The following KCNMB4 variants were observed in gnomAD, a reference collection of about 807,000 sequenced individuals.
KCNMB4 encodes potassium calcium-activated channel subfamily M regulatory beta subunit 4.
In KCNMB4, 3 loss-of-function variants were observed where a neutral mutation model predicts 20.7. The observed-to-expected ratio is 0.14, with a 90% confidence interval of 0.07 to 0.37. The LOEUF (loss-of-function observed/expected upper bound fraction) is 0.37. Ranked by LOEUF, KCNMB4 falls within the 10% of genes least tolerant of loss-of-function variation. The pLI is 1.00. For missense variants in KCNMB4, 168 were observed against 265.9 expected (o/e 0.63, Z 2.56); for synonymous variants, 110 against 113.4 (o/e 0.97, Z 0.19).
rs1287747691 is a variant in KCNMB4 at position 70,366,691 on chromosome 12, G to A, written c.-44G>A. 1 of 1,397,044 alleles carries A rather than the reference G, an allele frequency of 7.2e-7. No homozygotes were observed. The highest frequency in any genetic ancestry group is 9.4e-7 in the Non-Finnish European group (1 of 1,068,070). The allele number at this position is 1,397,044 out of a possible 1,614,324, so 86.5% of individuals were successfully genotyped here. ...GCAGTCGGGCTCGGCGCCGGGGGCG[G>A]GAGGGGGCGGGGGGAGCACGCCAGC... On this transcript the variant is annotated 5_prime_UTR_variant, in exon 1 of 3. Coordinates refer to ENST00000258111, the MANE Select transcript of KCNMB4 (RefSeq NM_014505.6).
Position 70,430,088 on chromosome 12 carries a change from T to A in KCNMB4, c.465-397T>A, listed in dbSNP as rs1593352091. On this transcript the variant is annotated intron_variant, in intron 2 of 2. Transcript: ENST00000258111. ...GATCATTTGGGCCACACCTATGAGC[T>A]GAGGTCTAGTTCAGATTTGTTGGAG... 2.0e-5 allele frequency among the ~76,000 whole-genome samples: 3 copies of A among 151,906 alleles called. No homozygotes were observed. The South Asian group carries it at 6.2e-4, about 32-fold the overall frequency.
intron 1 of KCNMB4, among the ~76,000 whole-genome samples, chr12:70,389,538 AC>A (rs1868283443): frequency 6.6e-6 from 1 of 152,170 alleles, no homozygotes; most frequent in Non-Finnish European, 1.5e-5. Context: ...TACAAAAAAT[AC>A]AAAAATTAGC....
intron 2 of KCNMB4, among the ~76,000 whole-genome samples, chr12:70,424,751 A>G (rs960690081): frequency 1.1e-4 from 16 of 144,284 alleles, no homozygotes; most frequent in African/African-American, 3.8e-4. Flanking sequence ...ACTCCGTCTC[A>G]AAAAAAAAAA....
At chr12:70,404,044 AG>A (rs372656717) in intron 2 of KCNMB4, among the ~76,000 whole-genome samples, 6 of 152,380 alleles carry the variant, frequency 3.9e-5, no homozygotes, top group African/African-American at 1.4e-4. Context: ...TAGAAATAGA[AG>A]GGGGAAGACT....
chr12:70,418,049 C>T (rs572572785), intron 2 of KCNMB4, among the ~76,000 whole-genome samples: 36 of 152,280 alleles, frequency 2.4e-4, no homozygotes, highest in Admixed American at 9.8e-4. Flanking sequence ...GCCTTGACTT[C>T]CTTTTAAATG....
At chr12:70,426,074 C>T (rs1325830304) in intron 2 of KCNMB4, among the ~76,000 whole-genome samples, 1 of 152,014 alleles carries the variant, frequency 6.6e-6, no homozygotes, top group Non-Finnish European at 1.5e-5. Flanking sequence ...GCGGGTGGAT[C>T]ACAAGGTCAG....
intron 1 of KCNMB4, among the ~76,000 whole-genome samples, chr12:70,380,675 A>G (rs1654957): frequency 0.72 from 109,533 of 151,486 alleles, 40,240 homozygotes; most frequent in East Asian, 0.94. Context: ...CCTATACATC[A>G]TGGACGGTTG....
At chr12:70,382,833 A>C (rs1342394535) in intron 1 of KCNMB4, among the ~76,000 whole-genome samples, 1 of 152,254 alleles carries the variant, frequency 6.6e-6, no homozygotes, top group Non-Finnish European at 1.5e-5. Context: ...GTGGTATCTC[A>C]CTAAAAATCA....
chr12:70,423,088 A>G (rs1869113250), intron 2 of KCNMB4, among the ~76,000 whole-genome samples: 1 of 152,210 alleles, frequency 6.6e-6, no homozygotes, highest in South Asian at 2.1e-4. Context: ...TGTAGTCCTA[A>G]TCATGGGTCT....
Position 70,366,856 on chromosome 12 carries a change from G to A in KCNMB4, c.122G>A (p.Ser41Asn). 1 of 1,612,934 alleles carries A rather than the reference G, an allele frequency of 6.2e-7. No homozygotes were observed. Among genetic ancestry groups the A allele is most frequent in the Non-Finnish European group, 8.5e-7 (1 of 1,179,858 alleles). ...TTCATCTTCGGCTTCTGCTGGCTGA[G>A]TCCCGCGCTGCAGGATCTGCAAGCC... ...SLFIFGFCWL[S>N]PALQDLQATE... Residue 41 changes from serine (S) to asparagine (N), a missense_variant, in exon 1 of 3, where the codon AGT becomes AAT. Transcript: ENST00000258111.
chr12:70,419,788 A>T (rs1378078981), intron 2 of KCNMB4, among the ~76,000 whole-genome samples: 1 of 152,216 alleles, frequency 6.6e-6, no homozygotes, highest in Admixed American at 6.5e-5. Context: ...AGGATATTCT[A>T]TAAAAAGTAA....
At position 70,434,107 on chromosome 12, in the gene KCNMB4, C is replaced by A. The variant is rs1869435896; in HGVS notation, c.*3454C>A. The A allele has an allele frequency of 6.6e-6, 1 of 152,234 alleles. No individual in the cohort carries two copies. The highest frequency in any genetic ancestry group is 1.5e-5 in the Non-Finnish European group (1 of 68,088). 9.4% of individuals were successfully genotyped at this position (152,234 alleles called of 1,614,324 possible). ...GCTGATGGAAGCATGGGTGCCTCCT[C>A]CTTTGGCCCCAGCAGGAAGTTCAAA... On this transcript the variant is annotated 3_prime_UTR_variant, in exon 3 of 3. Coordinates refer to ENST00000258111, the MANE Select transcript of KCNMB4 (RefSeq NM_014505.6).
rs78179251 is a variant in KCNMB4, at chr12:70,425,655, G to T, written c.465-4830G>T. ...GCCTCAAGCAAAGTTATCTGGGAAA[G>T]ATCACATGTCAGGTCTTCTTTGGTT... On this transcript the variant is annotated intron_variant, in intron 2 of 2. Transcript: ENST00000258111. Among the ~76,000 whole-genome samples, 388 of 152,266 alleles carry T rather than the reference G, an allele frequency of 2.5e-3. 3 individuals carry two copies. The highest frequency in any genetic ancestry group is 8.7e-3 in the African/African-American group (362 of 41,542).
At chr12:70,399,979 A>C (rs555170967) in intron 1 of KCNMB4, among the ~76,000 whole-genome samples, 15 of 152,286 alleles carry the variant, frequency 9.8e-5, no homozygotes, top group African/African-American at 3.6e-4. Flanking sequence ...TTACACCATA[A>C]TGACTGAAGT....
In KCNMB4 at chr12:70,366,340, C is replaced by A. The variant is rs1883486927; in HGVS notation, c.-395C>A. 6.6e-6 allele frequency: 1 copy of A among 151,788 alleles called. No individual in the cohort carries two copies. The highest frequency in any genetic ancestry group is 2.4e-5 in the African/African-American group (1 of 41,326). 9.4% of individuals were successfully genotyped at this position (151,788 alleles called of 1,614,324 possible). On this transcript the variant is annotated 5_prime_UTR_variant, in exon 1 of 3. Transcript: ENST00000258111. ...GCCGGGCGAGTCAGCGGAGTAGCGG[C>A]CAGCGGGCGATGGAGACAGAGAGAC...
In KCNMB4 at chr12:70,366,690, G is replaced by A; in HGVS notation, c.-45G>A. On this transcript the variant is annotated 5_prime_UTR_variant, in exon 1 of 3. Transcript: ENST00000258111. Reference sequence around the variant, plus strand: ...GGCAGTCGGGCTCGGCGCCGGGGGCGGGAGGGGGCGGGGGGAGCACGCCAG... The same window carrying A: ...GGCAGTCGGGCTCGGCGCCGGGGGCAGGAGGGGGCGGGGGGAGCACGCCAG... The A allele has an allele frequency of 1.4e-6, 2 of 1,388,928 alleles. No individual in the cohort carries two copies. Among genetic ancestry groups the A allele is most frequent in the Non-Finnish European group, 1.9e-6 (2 of 1,063,458 alleles). The allele number at this position is 1,388,928 out of a possible 1,614,324, so 86.0% of individuals were successfully genotyped here. A position where few individuals can be genotyped will look rare whatever the true frequency, so the allele number is the denominator to read the frequency against.
chr12:70,415,059 G>A (rs950078217), intron 2 of KCNMB4, among the ~76,000 whole-genome samples: 3 of 152,128 alleles, frequency 2.0e-5, no homozygotes, highest in East Asian at 1.9e-4. Flanking sequence ...CATAATAGCC[G>A]ATACCTGTTT....
chr12:70,368,726 G>C (rs1027728916), intron 1 of KCNMB4, among the ~76,000 whole-genome samples: 1 of 152,038 alleles, frequency 6.6e-6, no homozygotes, highest in Non-Finnish European at 1.5e-5. Flanking sequence ...TAAGATAGTG[G>C]TTCAAGCACT....
intron 1 of KCNMB4, among the ~76,000 whole-genome samples, chr12:70,392,110 C>T (rs567910708): frequency 6.6e-6 from 1 of 152,252 alleles, no homozygotes; most frequent in East Asian, 1.9e-4. Flanking sequence ...TACATACACA[C>T]ATTGAATTTG....
Sources: allele counts gnomAD v4.1 joint callset (sites outside exome capture counted in the v4.1 genomes callset), GRCh38; gene constraint gnomAD v4.1.1; transcripts MANE v1.5; gene names NCBI Gene and HGNC (gene_info 2026-07-23, HGNC 2026-07-21).